The following ANO6 variants were observed in gnomAD, a reference collection of about 807,000 sequenced individuals.
ANO6 encodes anoctamin 6.
ANO6 carries 106 observed loss-of-function variants against 117.5 expected under a neutral mutation model. That is an observed-to-expected ratio of 0.90 (90% CI 0.77 to 1.06). ANO6 has a LOEUF of 1.06. Among genes scored for constraint, ANO6 ranks in the 50% least tolerant of loss-of-function variants. The pLI is 0.00. For missense variants in ANO6, 955 were observed against 1,121.1 expected (o/e 0.85, Z 2.12); for synonymous variants, 367 against 385.1 (o/e 0.95, Z 0.55).
chr12:45,306,624 C>G (rs888045039), intron 2 of ANO6, among the ~76,000 whole-genome samples: 4 of 151,968 alleles, frequency 2.6e-5, no homozygotes, highest in South Asian at 2.1e-4. Context: ...TTTTGATTAT[C>G]TTCAACCATA....
At chr12:45,337,958 T>C (rs1258615551) in intron 3 of ANO6, among the ~76,000 whole-genome samples, 1 of 151,956 alleles carries the variant, frequency 6.6e-6, no homozygotes, top group East Asian at 1.9e-4. Context: ...AGGTCACCTA[T>C]GGAAATATAT....
chr12:45,323,935 A>ATTTTTTT (rs761870704), intron 2 of ANO6, among the ~76,000 whole-genome samples: 3 of 108,306 alleles, frequency 2.8e-5, no homozygotes, highest in Non-Finnish European at 5.5e-5. Flanking sequence ...TTGTTGTTGT[A>ATTTTTTT]TTTTTTTTTT....
intron 1 of ANO6, among the ~76,000 whole-genome samples, chr12:45,217,533 G>A (rs1463670535): frequency 1.3e-5 from 2 of 152,296 alleles, no homozygotes; most frequent in Middle Eastern, 3.4e-3. Flanking sequence ...CCATGATTTA[G>A]TTTCACATTT....
chr12:45,410,707 C>T lies in ANO6; in HGVS notation c.2011+1220C>T, dbSNP rs544218851. 5.3e-5 allele frequency among the ~76,000 whole-genome samples: 8 copies of T among 152,260 alleles called. No homozygotes were observed. The South Asian group carries it at 1.7e-3, about 32-fold the overall frequency. On this transcript the variant is annotated intron_variant, in intron 16 of 19. Transcript: ENST00000320560. ...ACAGGCTTTGCATTTATGCACAGGG[C>T]TTTGCATGTTGGCAAAGACACCCCT...
intron 16 of ANO6, among the ~76,000 whole-genome samples, chr12:45,415,503 T>C (rs1222152205): frequency 6.6e-6 from 1 of 152,254 alleles, no homozygotes; most frequent in Non-Finnish European, 1.5e-5. Flanking sequence ...CACATGGCTA[T>C]TACTTGCATG....
chr12:45,407,297 AT>A (rs1188136071), intron 15 of ANO6, among the ~76,000 whole-genome samples: 4 of 152,148 alleles, frequency 2.6e-5, no homozygotes, highest in African/African-American at 9.7e-5. Context: ...CTTTGATGTG[AT>A]TTAGAGCCCA....
chr12:45,396,565 C>T (rs570655265), intron 12 of ANO6, among the ~76,000 whole-genome samples: 10 of 152,282 alleles, frequency 6.6e-5, no homozygotes, highest in African/African-American at 1.4e-4. Context: ...GGATGCATCA[C>T]GCTACCTGAC....
In ANO6 at chr12:45,429,536, GTTACCTT is replaced by G; in HGVS notation, c.*228_*234del. 7.5e-7 allele frequency: 1 copy of G among 1,337,718 alleles called. No individual in the cohort carries two copies. The highest frequency in any genetic ancestry group is 3.1e-5 in the East Asian group (1 of 32,002). The allele number at this position is 1,337,718 out of a possible 1,614,324, so 82.9% of individuals were successfully genotyped here. On this transcript the variant is annotated 3_prime_UTR_variant, in exon 20 of 20. Coordinates refer to ENST00000320560, the MANE Select transcript of ANO6 (RefSeq NM_001025356.3). ...AACTTATCACCCGGAAAACCTCAAT[GTTACCTT>G]TTTCTGATAAATTGGAATTTTACAG...
At chr12:45,258,840 G>A (rs1322365675) in intron 1 of ANO6, among the ~76,000 whole-genome samples, 2 of 152,148 alleles carry the variant, frequency 1.3e-5, no homozygotes, top group Admixed American at 1.3e-4. Flanking sequence ...ACTACGAGCT[G>A]GAAATAAAAG....
At chr12:45,439,549 C>T (rs1943746371) in intron 19 of ANO6, 1 of 876,032 alleles carries the variant, frequency 1.1e-6, no homozygotes, top group Non-Finnish European at 1.6e-6. Context: ...TGAATTTGGA[C>T]CTTTAAACAA....
intron 2 of ANO6, among the ~76,000 whole-genome samples, chr12:45,329,651 G>C (rs1158990530): frequency 6.6e-6 from 1 of 152,110 alleles, no homozygotes; most frequent in Non-Finnish European, 1.5e-5. Flanking sequence ...GGGCTACAGA[G>C]AACAAGTTGC....
At chr12:45,240,606 G>C (rs1247432700) in intron 1 of ANO6, among the ~76,000 whole-genome samples, 1 of 151,846 alleles carries the variant, frequency 6.6e-6, no homozygotes, top group Non-Finnish European at 1.5e-5. Flanking sequence ...ATCTTCGCTG[G>C]TTATTTTGAC....
chr12:45,397,951 G>A (rs1301107004), intron 12 of ANO6, among the ~76,000 whole-genome samples: 1 of 146,928 alleles, frequency 6.8e-6, no homozygotes, highest in Non-Finnish European at 1.5e-5. Flanking sequence ...CCTGCACGTT[G>A]TGCACGTGTA....
intron 3 of ANO6, among the ~76,000 whole-genome samples, chr12:45,343,180 G>T (rs1271973340): frequency 6.6e-6 from 1 of 152,152 alleles, no homozygotes; most frequent in Non-Finnish European, 1.5e-5. Flanking sequence ...TGGGAACCAT[G>T]AATTTGTAAT....
chr12:45,322,112 G>A (rs1220773725), intron 2 of ANO6, among the ~76,000 whole-genome samples: 1 of 152,112 alleles, frequency 6.6e-6, no homozygotes, highest in Non-Finnish European at 1.5e-5. Flanking sequence ...ATAACATCTA[G>A]TATTATTATG....
chr12:45,269,151 T>C lies in ANO6; in HGVS notation c.71-32863T>C, dbSNP rs547067475. Among the ~76,000 whole-genome samples, 312 of 152,328 alleles carry C rather than the reference T, an allele frequency of 2.0e-3. 1 individual carries two copies. The highest frequency in any genetic ancestry group is 3.3e-3 in the Non-Finnish European group (222 of 68,022). ...TCTTAGCCACAGGTATCATCTGGCA[T>C]TATTTTATAAGCTGTGCCATAGTGC... is the stretch of plus-strand genomic sequence containing the variant. On this transcript the variant is annotated intron_variant, in intron 1 of 19. Transcript: ENST00000320560.
intron 1 of ANO6, among the ~76,000 whole-genome samples, chr12:45,285,578 A>T (rs889531092): frequency 1.3e-5 from 2 of 152,122 alleles, no homozygotes; most frequent in Admixed American, 6.5e-5. Context: ...AAATACAAAA[A>T]ATTAGCCAGG....
intron 1 of ANO6, among the ~76,000 whole-genome samples, chr12:45,257,877 C>A (rs1259280469): frequency 6.6e-6 from 1 of 152,126 alleles, no homozygotes; most frequent in Admixed American, 6.5e-5. Context: ...AAATGAAAGC[C>A]AGGAGTTTTA....
intron 8 of ANO6, among the ~76,000 whole-genome samples, chr12:45,360,284 C>T (rs2137484056): frequency 6.6e-6 from 1 of 152,252 alleles, no homozygotes; most frequent in South Asian, 2.1e-4. Flanking sequence ...GATCAAGTTG[C>T]CGACATTTGG....
Sources: gnomAD v4.1 joint callset for allele counts (sites outside exome capture counted in the v4.1 genomes callset) on GRCh38, gnomAD v4.1.1 for gene constraint, MANE v1.5 for transcripts, NCBI Gene and HGNC (gene_info 2026-07-23, HGNC 2026-07-21) for gene names.